SCAI: variants seen among roughly 807,000 people sequenced by gnomAD.
SCAI encodes protein SCAI.
SCAI carries 24 observed loss-of-function variants against 92.2 expected under a neutral mutation model. The observed-to-expected ratio is 0.26, with a 90% confidence interval of 0.19 to 0.37. The LOEUF (loss-of-function observed/expected upper bound fraction) is 0.37. Ranked by LOEUF, SCAI falls within the 10% of genes least tolerant of loss-of-function variation. SCAI has a pLI of 1.00. For synonymous variants in SCAI, 261 were observed against 258.6 expected (o/e 1.01, Z -0.09); for missense variants, 450 against 736.2 (o/e 0.61, Z 4.50).
intron 17 of SCAI, chr9:124,968,975 G>A: frequency 2.6e-6 from 1 of 381,530 alleles, no homozygotes; most frequent in South Asian, 2.9e-5. Context: ...TGTCTTAAGT[G>A]GAACTGCACA....
At chr9:124,989,877 A>T (rs1197206651) in intron 14 of SCAI, among the ~76,000 whole-genome samples, 3 of 142,836 alleles carry the variant, frequency 2.1e-5, no homozygotes, top group African/African-American at 7.9e-5. Context: ...ACTGCATCTC[A>T]CACACACACA....
chr9:125,001,266 A>C (rs1432015892), intron 12 of SCAI, among the ~76,000 whole-genome samples: 1 of 152,224 alleles, frequency 6.6e-6, no homozygotes, highest in Non-Finnish European at 1.5e-5. Context: ...AATTTCAACA[A>C]ACAAATGAAG....
chr9:124,957,390 T>C (rs1207424068), intron 17 of SCAI, among the ~76,000 whole-genome samples: 1 of 151,386 alleles, frequency 6.6e-6, no homozygotes, highest in Non-Finnish European at 1.5e-5. Flanking sequence ...TGAGATGGAG[T>C]CTCACTCTGT....
At chr9:125,009,328 G>A (rs919415464) in intron 9 of SCAI, among the ~76,000 whole-genome samples, 11 of 152,130 alleles carry the variant, frequency 7.2e-5, no homozygotes, top group Admixed American at 2.0e-4. Context: ...GCAGTGCAGC[G>A]GTGCAATCTG....
intron 2 of SCAI, among the ~76,000 whole-genome samples, chr9:125,105,963 G>A (rs1010311090): frequency 6.7e-6 from 1 of 150,342 alleles, no homozygotes; most frequent in Admixed American, 6.6e-5. Flanking sequence ...TGGGTGTGGT[G>A]GTGCGGGCCT....
At chr9:125,034,905 A>G (rs1833160683) in intron 3 of SCAI, among the ~76,000 whole-genome samples, 1 of 152,244 alleles carries the variant, frequency 6.6e-6, no homozygotes, top group Admixed American at 6.5e-5. Flanking sequence ...TTACATAGTT[A>G]TATGTCAAAA....
At chr9:125,114,909 G>A (rs1286940109) in intron 2 of SCAI, among the ~76,000 whole-genome samples, 2 of 151,972 alleles carry the variant, frequency 1.3e-5, no homozygotes, top group East Asian at 2.0e-4. Context: ...AAGTAGCTGG[G>A]ATTACAGGCA....
chr9:125,058,255 T>C (rs1316062558), intron 2 of SCAI, among the ~76,000 whole-genome samples: 6 of 152,106 alleles, frequency 3.9e-5, no homozygotes, highest in Non-Finnish European at 8.8e-5. Flanking sequence ...GGCTCATGCC[T>C]GTAATCCCAG....
At chr9:125,038,661 C>T (rs1422825155) in intron 3 of SCAI, among the ~76,000 whole-genome samples, 1 of 152,192 alleles carries the variant, frequency 6.6e-6, no homozygotes, top group Admixed American at 6.6e-5. Flanking sequence ...CATCTTCATT[C>T]TCTTGACTTC....
At chr9:125,103,568 G>A (rs1023881583) in intron 2 of SCAI, among the ~76,000 whole-genome samples, 4 of 152,082 alleles carry the variant, frequency 2.6e-5, no homozygotes, top group Non-Finnish European at 5.9e-5. Flanking sequence ...CTCAACAAGC[G>A]GTCCTTACTA....
chr9:124,995,951 T>G (rs2085802762), intron 13 of SCAI, among the ~76,000 whole-genome samples: 1 of 152,108 alleles, frequency 6.6e-6, no homozygotes, highest in Admixed American at 6.6e-5. Context: ...GCGTGCTCTT[T>G]CCGATGACTG....
intron 2 of SCAI, among the ~76,000 whole-genome samples, chr9:125,137,662 G>A (rs901209218): frequency 6.6e-6 from 1 of 152,050 alleles, no homozygotes. Flanking sequence ...GTGCAGTGGT[G>A]CAATCTCAGC....
chr9:125,135,971 C>CAAAAAAAAAAAAAAACAAAAAA (rs1359728011), intron 2 of SCAI, among the ~76,000 whole-genome samples: 1 of 81,086 alleles, frequency 1.2e-5, no homozygotes, highest in Non-Finnish European at 2.7e-5. Context: ...CCATCTCAAA[C>CAAAAAAAAAAAAAAACAAAAAA]AAAAAAAAAA....
chr9:125,113,193 C>A (rs1157153117), intron 2 of SCAI, among the ~76,000 whole-genome samples: 2 of 152,172 alleles, frequency 1.3e-5, no homozygotes, highest in Non-Finnish European at 2.9e-5. Context: ...CAAGCCCTAT[C>A]TTAGCCAGGT....
chr9:125,002,596 C>T (rs552077931), intron 11 of SCAI, among the ~76,000 whole-genome samples: 1 of 149,914 alleles, frequency 6.7e-6, no homozygotes, highest in Admixed American at 6.7e-5. Context: ...AATTCTCCTT[C>T]CTCAGCCTCC....
At chr9:124,973,825 T>G (rs1218721377) in intron 15 of SCAI, among the ~76,000 whole-genome samples, 1 of 152,050 alleles carries the variant, frequency 6.6e-6, no homozygotes, top group Non-Finnish European at 1.5e-5. Flanking sequence ...AGACTCCATC[T>G]CAAAAAAATA....
intron 2 of SCAI, among the ~76,000 whole-genome samples, chr9:125,112,555 G>A (rs1435940615): frequency 1.3e-5 from 2 of 152,188 alleles, no homozygotes; most frequent in African/African-American, 2.4e-5. Context: ...TCTTAAACAG[G>A]CTTGTCACAT....
At chr9:125,130,011 G>A (rs1474243829) in intron 2 of SCAI, among the ~76,000 whole-genome samples, 1 of 151,728 alleles carries the variant, frequency 6.6e-6, no homozygotes, top group Non-Finnish European at 1.5e-5. Context: ...CGATTCTCCT[G>A]CCTCAGCCAC....
intron 6 of SCAI, among the ~76,000 whole-genome samples, chr9:125,024,081 AACTGGAGT>A (rs1348071953): frequency 6.6e-6 from 1 of 152,062 alleles, no homozygotes; most frequent in Non-Finnish European, 1.5e-5. Context: ...ACATCAACAT[AACTGGAGT>A]TTATTTTCCT....
Sources: gnomAD v4.1 joint callset for allele counts (sites outside exome capture counted in the v4.1 genomes callset) on GRCh38, gnomAD v4.1.1 for gene constraint, MANE v1.5 for transcripts, NCBI Gene and HGNC (gene_info 2026-07-23, HGNC 2026-07-21) for gene names.